The following CFAP77 variants were observed in gnomAD, a reference collection of about 807,000 sequenced individuals.
CFAP77 encodes the protein cilia and flagella associated protein 77.
In CFAP77, 25 loss-of-function variants were observed where a neutral mutation model predicts 31.1. That is an observed-to-expected ratio of 0.80 (90% CI 0.59 to 1.12). CFAP77 has a LOEUF of 1.12. Ranked by LOEUF, CFAP77 falls within the 50% of genes most tolerant of loss-of-function variation. The pLI is 0.00. For synonymous variants in CFAP77, 151 were observed against 159.9 expected, an observed-to-expected ratio of 0.94 and a Z score of 0.42; for missense variants, 377 against 397.3, an observed-to-expected ratio of 0.95 and a Z score of 0.44.
chr9:132,551,279 G>GC (rs1488242235), intron 5 of CFAP77, among the ~76,000 whole-genome samples: 2 of 140,760 alleles, frequency 1.4e-5, no homozygotes, highest in African/African-American at 2.6e-5. Context: ...CAGCCTGGGT[G>GC]CCCTTTTTTT....
intron 1 of CFAP77, among the ~76,000 whole-genome samples, chr9:132,414,994 TG>T (rs1339669573): frequency 4.6e-5 from 7 of 152,206 alleles, no homozygotes; most frequent in African/African-American, 1.7e-4. Flanking sequence ...AAAGCCCAGT[TG>T]TACAAATATC....
chr9:132,447,981 G>T (rs573821216), intron 1 of CFAP77, among the ~76,000 whole-genome samples: 1 of 152,318 alleles, frequency 6.6e-6, no homozygotes, highest in Admixed American at 6.5e-5. Context: ...GGTACCCATT[G>T]GTAATGTGGT....
intron 1 of CFAP77, among the ~76,000 whole-genome samples, chr9:132,478,501 C>T (rs1829142154): frequency 1.3e-5 from 2 of 152,188 alleles, no homozygotes; most frequent in Admixed American, 1.3e-4. Context: ...TCCCCCTTGG[C>T]TTTTATTACT....
At chr9:132,483,668 A>G (rs1253548878) in intron 1 of CFAP77, among the ~76,000 whole-genome samples, 1 of 152,188 alleles carries the variant, frequency 6.6e-6, no homozygotes, top group African/African-American at 2.4e-5. Flanking sequence ...CCATACTGTC[A>G]GAACAGCGAG....
intron 5 of CFAP77, among the ~76,000 whole-genome samples, chr9:132,568,988 C>A (rs913173147): frequency 1.3e-5 from 2 of 152,170 alleles, no homozygotes; most frequent in African/African-American, 4.8e-5. Context: ...GTGTGAGTCA[C>A]CTTGTCTGGC....
chr9:132,487,996 A>T (rs1245874050), intron 1 of CFAP77, among the ~76,000 whole-genome samples: 1 of 152,202 alleles, frequency 6.6e-6, no homozygotes, highest in South Asian at 2.1e-4. Flanking sequence ...GTGTGTGCCT[A>T]TGTATGCATG....
intron 1 of CFAP77, among the ~76,000 whole-genome samples, chr9:132,415,202 G>T (rs1850074990): frequency 6.6e-6 from 1 of 152,218 alleles, no homozygotes; most frequent in African/African-American, 2.4e-5. Flanking sequence ...TGGAGGGCCA[G>T]TGGGTCAGTT....
Position 132,567,040 on chromosome 9 carries a change from C to T in CFAP77, c.733-5348C>T, listed in dbSNP as rs141303330. 2.6e-5 allele frequency among the ~76,000 whole-genome samples: 4 copies of T among 152,362 alleles called. No individual in the cohort carries two copies. In the East Asian group the frequency reaches 7.7e-4, roughly 29 times the overall value. ...CTTCAGGGAACAGGCCACGAGCAGACCCTGCTTCATAGAGGAGGAGCCCTT... is the reference window on the plus strand; with the variant it reads ...CTTCAGGGAACAGGCCACGAGCAGATCCTGCTTCATAGAGGAGGAGCCCTT... On this transcript the variant is annotated intron_variant, in intron 5 of 5. Transcript: ENST00000393216.
rs1178281920 is a variant in CFAP77 at position 132,486,090 on chromosome 9, A to AT, written c.196-12585dup. 1.2e-3 allele frequency among the ~76,000 whole-genome samples: 18 copies of AT among 15,362 alleles called. 4 individuals are homozygous for AT. The highest frequency in any genetic ancestry group is 7.9e-3 in the East Asian group (2 of 252). The allele number at this position is 15,362 out of a possible 152,430, so 10.1% of individuals were successfully genotyped here. A position where few individuals can be genotyped will look rare whatever the true frequency, so the allele number is the denominator to read the frequency against. On this transcript the variant is annotated intron_variant, in intron 1 of 5. Transcript: ENST00000393216. ...TGTATATATATATATATATATATAT[A>AT]TTTTTTTTTTTTTTTTTTTTGAGAC... is the stretch of plus-strand genomic sequence containing the variant.
Position 132,481,969 on chromosome 9 carries a change from G to C in CFAP77, c.196-16726G>C, listed in dbSNP as rs114337785. On this transcript the variant is annotated intron_variant, in intron 1 of 5. Transcript: ENST00000393216. The surrounding 1 kb of genome is among the most constrained non-coding windows in gnomAD (Gnocchi z 5.0). Reference sequence around the variant, plus strand: ...ACAAGGGTTTATGGTTGGGGGGGGGGGGGGCGGCGGAACACTGAACATTTT... The same window carrying C: ...ACAAGGGTTTATGGTTGGGGGGGGGCGGGGCGGCGGAACACTGAACATTTT... Among the ~76,000 whole-genome samples the C allele has an allele frequency of 0.015, 2,247 of 148,170 alleles. 72 individuals are homozygous for C. Among genetic ancestry groups the C allele is most frequent in the African/African-American group, 0.046 (1,855 of 40,064 alleles).
At chr9:132,416,623 G>A (rs918764788) in intron 1 of CFAP77, among the ~76,000 whole-genome samples, 1 of 148,620 alleles carries the variant, frequency 6.7e-6, no homozygotes, top group African/African-American at 2.5e-5. Flanking sequence ...GATTACAGGC[G>A]TGAACCACCA....
intron 1 of CFAP77, among the ~76,000 whole-genome samples, chr9:132,451,994 C>T (rs1197590224): frequency 1.4e-4 from 22 of 151,796 alleles, no homozygotes; most frequent in Admixed American, 1.1e-3. Flanking sequence ...TTAGTAGAGA[C>T]GGGGTTTCAC....
chr9:132,494,848 CT>C (rs1457291146), intron 1 of CFAP77, among the ~76,000 whole-genome samples: 1 of 152,180 alleles, frequency 6.6e-6, no homozygotes, highest in African/African-American at 2.4e-5. Context: ...AAGTATTTTG[CT>C]CATTTTTTTC....
chr9:132,424,661 C>G lies in CFAP77; in HGVS notation c.195+14195C>G, dbSNP rs1271279016. On this transcript the variant is annotated intron_variant, in intron 1 of 5. Coordinates refer to ENST00000393216, the MANE Select transcript of CFAP77 (RefSeq NM_001282957.2). This position sits in a 1 kb window ranked among gnomAD's most constrained non-coding sequence, Gnocchi z 4.1. The stretch of plus-strand genomic sequence containing the variant: ...GTGAGGACCGCTCAAGGAGCCTTCA[C>G]TTTGGGTGTCACCACTTGAAAGTTT... Among the ~76,000 whole-genome samples the G allele has an allele frequency of 6.6e-6, 1 of 152,216 alleles. No homozygotes were observed. Among genetic ancestry groups the G allele is most frequent in the Non-Finnish European group, 1.5e-5 (1 of 68,034 alleles).
rs1030045098 is a variant in CFAP77 at position 132,545,674 on chromosome 9, G to A, written c.732+2627G>A. Among the ~76,000 whole-genome samples, 2 of 152,172 alleles carry A rather than the reference G, an allele frequency of 1.3e-5. No homozygotes were observed. The highest frequency in any genetic ancestry group is 2.9e-5 in the Non-Finnish European group (2 of 68,034). On this transcript the variant is annotated intron_variant, in intron 5 of 5. Transcript: ENST00000393216. The surrounding 1 kb of genome is among the most constrained non-coding windows in gnomAD (Gnocchi z 4.6). ...AGTGCTGCCGTTATGGGTGTCACAC[G>A]CAGTCGCCTCCTTGTCAGGAAGTAA...
At chr9:132,461,645 G>A (rs184884146) in intron 1 of CFAP77, among the ~76,000 whole-genome samples, 1 of 152,214 alleles carries the variant, frequency 6.6e-6, no homozygotes, top group African/African-American at 2.4e-5. Flanking sequence ...GGAAGACTGC[G>A]GGGGTTTGTC....
Position 132,410,416 on chromosome 9 carries a change from C to A in CFAP77, c.145C>A (p.Arg49=), listed in dbSNP as rs1236227807. 5 of 1,601,460 alleles carry A rather than the reference C, an allele frequency of 3.1e-6. No homozygotes were observed. Among genetic ancestry groups the A allele is most frequent in the Non-Finnish European group, 1.7e-6 (2 of 1,175,268 alleles). ...CATCCGTTCCGGCATGGAGAACGAG[C>A]GGCTGGGGGTCGTGCGGGACTCCAT... is the stretch of plus-strand genomic sequence containing the variant. ...ADIRSGMENE[R]LGVVRDSMFQ... is the part of the protein sequence containing the mutation. The change falls in exon 1 of 6, where the codon CGG becomes AGG. Residue 49 remains arginine, a synonymous_variant. Coordinates refer to ENST00000393216, the MANE Select transcript of CFAP77 (RefSeq NM_001282957.2).
chr9:132,473,350 G>A (rs527892672), intron 1 of CFAP77, among the ~76,000 whole-genome samples: 8 of 152,258 alleles, frequency 5.3e-5, no homozygotes, highest in South Asian at 4.1e-4. Flanking sequence ...TCATCTAAGC[G>A]CCAGACACAC....
At chr9:132,458,311 C>T (rs1850957701) in intron 1 of CFAP77, among the ~76,000 whole-genome samples, 1 of 146,972 alleles carries the variant, frequency 6.8e-6, no homozygotes, top group Admixed American at 7.1e-5. Flanking sequence ...TTCTTCTTCA[C>T]CGACAGGCCT....
Sources: allele counts gnomAD v4.1 joint callset (sites outside exome capture counted in the v4.1 genomes callset), GRCh38; gene constraint gnomAD v4.1.1; non-coding constraint Gnocchi (gnomAD v3.1); transcripts MANE v1.5; gene names NCBI Gene and HGNC (gene_info 2026-07-23, HGNC 2026-07-21).